COL1A2: variants seen among roughly 807,000 people sequenced by gnomAD.
The protein encoded by COL1A2 is collagen alpha-2(I) chain.
COL1A2 carries 49 observed loss-of-function variants against 174.3 expected under a neutral mutation model. The ratio of observed to expected loss-of-function variants is 0.28; its 90% CI spans 0.22 to 0.36. The LOEUF (loss-of-function observed/expected upper bound fraction) is 0.36. Among genes scored for constraint, COL1A2 ranks in the 10% least tolerant of loss-of-function variants. The probability of loss-of-function intolerance (pLI) is 1.00; values close to 1 mark genes in which losing one functional copy is unlikely to be tolerated. For missense variants in COL1A2, 1,438 were observed against 1,822.7 expected (o/e 0.79, Z 3.84); for synonymous variants, 655 against 606.6 (o/e 1.08, Z -1.17).
Position 94,428,376 on chromosome 7 carries a change from A to T in COL1A2, c.3610A>T (p.Ile1204Phe). ...TGATTTCTCTACTGGCGAAACCTGT[A>T]TCCGGGCCCAACCTGAAAACATCCC... ...YCDFSTGETC[I>F]RAQPENIPAK... The change falls in exon 50 of 52, where the codon ATC becomes TTC. Residue 1204 changes from isoleucine to phenylalanine, a missense_variant. Ile to Phe is a conservative substitution (Grantham distance 21). Coordinates refer to ENST00000297268, the MANE Select transcript of COL1A2 (RefSeq NM_000089.4). 6.2e-7 allele frequency: 1 copy of T among 1,614,130 alleles called. No individual in the cohort carries two copies. Among genetic ancestry groups the T allele is most frequent in the East Asian group, 2.2e-5 (1 of 44,878 alleles).
At chr7:94,422,587 AGAAG>A in intron 39 of COL1A2, 1 of 200,602 alleles carries the variant, frequency 5.0e-6, no homozygotes, top group Non-Finnish European at 1.0e-5. Context: ...AAAAAAAAAA[AGAAG>A]AAAAAAGAAA....
chr7:94,402,801 A>C (rs1791713846), intron 6 of COL1A2, among the ~76,000 whole-genome samples: 1 of 152,132 alleles, frequency 6.6e-6, no homozygotes, highest in Admixed American at 6.6e-5. Flanking sequence ...TGGGCAGTGC[A>C]CTTAGTGCTC....
At chr7:94,412,872 TC>T (rs1791957579) in intron 25 of COL1A2, among the ~76,000 whole-genome samples, 190 bp downstream of exon 25, 1 of 152,178 alleles carries the variant, frequency 6.6e-6, no homozygotes, top group South Asian at 2.1e-4. Flanking sequence ...AAAATCCATC[TC>T]CTGAGCCCCA....
At chr7:94,395,297 A>G (rs1791560806) in intron 1 of COL1A2, 196 bp downstream of exon 1, 1 of 701,974 alleles carries the variant, frequency 1.4e-6, no homozygotes, top group Admixed American at 1.8e-5. Flanking sequence ...AAGCCTTGCC[A>G]AAAGTTAGGG....
intron 31 of COL1A2, chr7:94,416,811 G>A (rs780188582): frequency 1.4e-5 from 4 of 286,054 alleles, no homozygotes; most frequent in Non-Finnish European, 2.6e-5. Context: ...GTATTCATTG[G>A]ACATTATTTT....
chr7:94,430,266 G>A lies in COL1A2; in HGVS notation c.3974G>A (p.Gly1325Glu), dbSNP rs1584333449. Residue 1325 changes from glycine to glutamate, a missense_variant, in exon 52 of 52, where the codon GGA (glycine) becomes GAA (glutamate). By Grantham distance (98) the Gly-to-Glu change is moderately conservative (BLOSUM62 -2). Coordinates refer to ENST00000297268, the MANE Select transcript of COL1A2 (RefSeq NM_000089.4). ...AAACAGAAAAAGACAAATGAATGGG[G>A]AAAGACAATCATTGAATACAAAACA... The part of the protein sequence containing the change: ...DGCSKKTNEW[G>E]KTIIEYKTNK... 1 of 1,613,754 alleles carries A rather than the reference G, an allele frequency of 6.2e-7. No individual in the cohort carries two copies. The highest frequency in any genetic ancestry group is 1.7e-5 in the Admixed American group (1 of 59,992).
At chr7:94,404,511 A>G (rs772225332) in intron 6 of COL1A2, 45 bp from the exon 7 acceptor site, 8 of 1,605,886 alleles carry the variant, frequency 5.0e-6, no homozygotes, top group Non-Finnish European at 6.8e-6. Flanking sequence ...CAACACCATG[A>G]CAACTTATCA....
intron 26 of COL1A2, 57 bp downstream of exon 26, chr7:94,413,193 T>C (rs1450231177): frequency 3.5e-6 from 4 of 1,130,414 alleles, no homozygotes; most frequent in African/African-American, 1.6e-5. Context: ...AGAACCACAC[T>C]TTTTTTTTTA....
intron 31 of COL1A2, chr7:94,416,757 T>C (rs980331120): frequency 2.0e-6 from 1 of 505,878 alleles, no homozygotes; most frequent in African/African-American, 1.9e-5. Context: ...TGTCACTCTT[T>C]TCTCCTCACG....
intron 31 of COL1A2, chr7:94,417,504 G>A: frequency 1.8e-6 from 1 of 556,986 alleles, no homozygotes; most frequent in South Asian, 1.9e-5. Context: ...AGGAATCGCA[G>A]CTGTGCACTC....
At position 94,420,229 on chromosome 7, in the gene COL1A2, A is replaced by G. The variant is rs747898313; in HGVS notation, c.2080-4A>G. 2.2e-5 allele frequency: 36 copies of G among 1,613,080 alleles called. No homozygotes were observed. In the South Asian group the frequency reaches 3.7e-4, roughly 17 times the overall value. ...TAACAGATTCATCTTTGGTCCCATT[A>G]TAGGGCGAAGCTGGGGCTGCTGGTC... On this transcript the variant is annotated splice_region_variant and splice_polypyrimidine_tract_variant and intron_variant, in intron 34 of 51. Coordinates refer to ENST00000297268, the MANE Select transcript of COL1A2 (RefSeq NM_000089.4).
At chr7:94,425,512 T>C in intron 42 of COL1A2, 98 bp from the exon 43 acceptor site, 1 of 1,244,910 alleles carries the variant, frequency 8.0e-7, no homozygotes, top group Non-Finnish European at 1.2e-6. Flanking sequence ...GGTTCGTTAC[T>C]GAGCACTGGA....
rs200501072 is a variant in COL1A2 at position 94,420,628 on chromosome 7, G to A, written c.2275G>A (p.Val759Ile). The change falls in exon 37 of 52, where the codon GTT (valine) becomes ATT (isoleucine). Residue 759 changes from valine to isoleucine, a missense_variant. Val to Ile is a conservative substitution (Grantham distance 29, BLOSUM62 3). Around this residue, in one of 3 missense-constraint regions of COL1A2, gnomAD observed 867 missense variants for 1,213.7 expected, o/e 0.71. Coordinates refer to ENST00000297268, the MANE Select transcript of COL1A2 (RefSeq NM_000089.4). ...ENGVVGPTGP[V>I]GAAGPAGPNG... ...CGGTGTTGTTGGTCCCACAGGCCCC[G>A]TTGGAGCTGCTGGCCCAGCTGTAAG... 147 of 1,603,386 alleles carry A rather than the reference G, an allele frequency of 9.2e-5. No individual in the cohort carries two copies. The highest frequency in any genetic ancestry group is 1.7e-4 in the Middle Eastern group (1 of 5,860).
intron 6 of COL1A2, 60 bp downstream of exon 6, chr7:94,401,680 C>A: frequency 8.3e-7 from 1 of 1,200,614 alleles, no homozygotes; most frequent in South Asian, 1.3e-5. Context: ...CATTTTATGT[C>A]ACATTTTACC....
intron 28 of COL1A2, 40 bp from the exon 29 acceptor site, chr7:94,414,182 T>C (rs1192155458): frequency 1.2e-6 from 2 of 1,607,308 alleles, no homozygotes; most frequent in Admixed American, 1.7e-5. Flanking sequence ...CTCCTGAACG[T>C]AGCCATGGGA....
intron 6 of COL1A2, among the ~76,000 whole-genome samples, chr7:94,403,375 A>C (rs928500725): frequency 6.6e-6 from 1 of 152,214 alleles, no homozygotes; most frequent in African/African-American, 2.4e-5. Flanking sequence ...TTGGAAAATC[A>C]ATAACTATAA....
rs753510718 is a variant in COL1A2, at chr7:94,413,957, C to T, written c.1665+10C>T. The stretch of plus-strand genomic sequence containing the variant: ...TCCTCCAGGCTTCCAGGTAAGTCAA[C>T]TCAAACATATACAATACTGCCTTTG... On this transcript the variant is annotated intron_variant, in intron 28 of 51. Coordinates refer to ENST00000297268, the MANE Select transcript of COL1A2 (RefSeq NM_000089.4). 6 of 1,611,606 alleles carry T rather than the reference C, an allele frequency of 3.7e-6. No homozygotes were observed. Among genetic ancestry groups the T allele is most frequent in the Non-Finnish European group, 5.1e-6 (6 of 1,178,022 alleles).
chr7:94,429,532 C>T, intron 51 of COL1A2, 102 bp downstream of exon 51: 1 of 1,263,004 alleles, frequency 7.9e-7, no homozygotes, highest in Non-Finnish European at 1.1e-6. Context: ...GTTAAAAGAA[C>T]AGAAGAATGA....
intron 16 of COL1A2, 59 bp downstream of exon 16, chr7:94,408,882 G>A: frequency 6.9e-7 from 1 of 1,449,656 alleles, no homozygotes; most frequent in East Asian, 2.3e-5. Context: ...TGATGTGAAA[G>A]ATTGGAACTG....
Sources: gnomAD v4.1 joint callset for allele counts (sites outside exome capture counted in the v4.1 genomes callset) on GRCh38, gnomAD v4.1.1 for gene constraint, gnomAD v4.1.1 regional missense constraint, MANE v1.5 for transcripts, NCBI Gene and HGNC (gene_info 2026-07-23, HGNC 2026-07-21) for gene names.